RUNDC3B: variants seen among roughly 807,000 people sequenced by gnomAD.
The protein encoded by RUNDC3B is RUN domain containing 3B, also known as RUN domain-containing protein 3B.
In RUNDC3B, 33 loss-of-function variants were observed where a neutral mutation model predicts 58.4. The observed-to-expected ratio is 0.56, with a 90% CI of 0.43 to 0.75. The LOEUF (loss-of-function observed/expected upper bound fraction) is 0.75, where lower values mean the gene tolerates loss of function less well. Ranked by LOEUF, RUNDC3B falls within the 30% of genes least tolerant of loss-of-function variation. The probability of loss-of-function intolerance (pLI) is 0.00; values close to 1 mark genes in which losing one functional copy is unlikely to be tolerated. For missense variants in RUNDC3B, 501 were observed against 535.7 expected (o/e 0.94, Z 0.64); for synonymous variants, 193 against 195.2 (o/e 0.99, Z 0.10).
chr7:87,768,210 A>G (rs540497214), intron 6 of RUNDC3B, among the ~76,000 whole-genome samples: 2 of 152,288 alleles, frequency 1.3e-5, no homozygotes, highest in South Asian at 4.1e-4. Context: ...ACAGTCACCC[A>G]TCTTGTCACA....
intron 8 of RUNDC3B, among the ~76,000 whole-genome samples, chr7:87,803,383 C>CA (rs2130927542): frequency 6.6e-6 from 1 of 152,134 alleles, no homozygotes; most frequent in East Asian, 1.9e-4. Context: ...ACATTCAGGT[C>CA]AAAAAATTGA....
At chr7:87,682,807 G>A (rs1198449797) in intron 2 of RUNDC3B, among the ~76,000 whole-genome samples, 3 of 152,192 alleles carry the variant, frequency 2.0e-5, no homozygotes, top group Non-Finnish European at 4.4e-5. Context: ...TCAACTTAAA[G>A]CCACCAGCTG....
At chr7:87,634,494 TGG>T (rs58092989) in intron 1 of RUNDC3B, among the ~76,000 whole-genome samples, 2,445 of 73,246 alleles carry the variant, frequency 0.033, 39 homozygotes, top group African/African-American at 0.069. Context: ...TGGTGGGGGG[TGG>T]GGGGGGGGGC....
At chr7:87,660,073 T>G (rs192434785) in intron 2 of RUNDC3B, among the ~76,000 whole-genome samples, 19 of 152,228 alleles carry the variant, frequency 1.2e-4, no homozygotes, top group Admixed American at 9.2e-4. Context: ...TGTTTTGTGC[T>G]TTTTTGGGTT....
intron 8 of RUNDC3B, among the ~76,000 whole-genome samples, chr7:87,792,047 G>GA (rs1489604339): frequency 1.3e-5 from 2 of 151,872 alleles, no homozygotes; most frequent in South Asian, 4.2e-4. Flanking sequence ...AATGGAAACT[G>GA]AAAAAAGATC....
intron 6 of RUNDC3B, among the ~76,000 whole-genome samples, chr7:87,754,393 G>A (rs1178537308): frequency 1.3e-5 from 2 of 152,152 alleles, no homozygotes; most frequent in Non-Finnish European, 2.9e-5. Context: ...TGAAACCAAT[G>A]AGAACAAAGA....
chr7:87,673,303 C>T (rs1273907044), intron 2 of RUNDC3B, among the ~76,000 whole-genome samples: 1 of 152,198 alleles, frequency 6.6e-6, no homozygotes, highest in Non-Finnish European at 1.5e-5. Context: ...TTGTTATCCT[C>T]AAATATGTTT....
intron 1 of RUNDC3B, chr7:87,629,294 G>C (rs1370864241): frequency 4.7e-6 from 1 of 213,300 alleles, no homozygotes; most frequent in African/African-American, 2.3e-5. Flanking sequence ...CTGTCAGCGA[G>C]CTTTGGATAA....
At chr7:87,760,068 G>GT in intron 6 of RUNDC3B, among the ~76,000 whole-genome samples, 2 of 148,428 alleles carry the variant, frequency 1.3e-5, no homozygotes, top group Non-Finnish European at 3.0e-5. Flanking sequence ...GTGATACAGG[G>GT]GTTTTTTTTT....
intron 2 of RUNDC3B, among the ~76,000 whole-genome samples, chr7:87,672,966 C>G (rs1825979849): frequency 6.6e-6 from 1 of 152,284 alleles, no homozygotes; most frequent in South Asian, 2.1e-4. Flanking sequence ...GAGAGCCATG[C>G]ACACTGGCTG....
chr7:87,754,397 A>G (rs775478885), intron 6 of RUNDC3B, among the ~76,000 whole-genome samples: 1 of 152,218 alleles, frequency 6.6e-6, no homozygotes, highest in Non-Finnish European at 1.5e-5. Flanking sequence ...ACCAATGAGA[A>G]CAAAGATACA....
intron 2 of RUNDC3B, among the ~76,000 whole-genome samples, chr7:87,671,597 G>T (rs1180700942): frequency 1.3e-5 from 2 of 152,162 alleles, no homozygotes; most frequent in Non-Finnish European, 2.9e-5. Flanking sequence ...CCTCTCTCTG[G>T]GAGCTTTGTC....
chr7:87,819,228 T>C (rs1316920599), intron 10 of RUNDC3B, among the ~76,000 whole-genome samples: 2 of 152,150 alleles, frequency 1.3e-5, no homozygotes, highest in African/African-American at 4.8e-5. Flanking sequence ...GTAATTGACA[T>C]TGTGGGCTTC....
intron 1 of RUNDC3B, among the ~76,000 whole-genome samples, chr7:87,647,426 A>G (rs193213867): frequency 3.3e-4 from 50 of 152,352 alleles, no homozygotes; most frequent in South Asian, 6.2e-4. Flanking sequence ...CAAAAGCAGT[A>G]ATATAATCTA....
chr7:87,766,279 C>T (rs1833973860), intron 6 of RUNDC3B, among the ~76,000 whole-genome samples: 1 of 152,076 alleles, frequency 6.6e-6, no homozygotes, highest in Non-Finnish European at 1.5e-5. Flanking sequence ...GGTTCTGTTC[C>T]TGTCACAGTG....
intron 7 of RUNDC3B, among the ~76,000 whole-genome samples, chr7:87,774,634 T>G (rs1163819945): frequency 6.6e-6 from 1 of 152,174 alleles, no homozygotes; most frequent in Non-Finnish European, 1.5e-5. Flanking sequence ...TAAATACTAC[T>G]TATCAAAACT....
intron 2 of RUNDC3B, among the ~76,000 whole-genome samples, chr7:87,671,232 C>G (rs528153361): frequency 2.6e-5 from 4 of 152,278 alleles, no homozygotes; most frequent in Non-Finnish European, 5.9e-5. Flanking sequence ...CTGATTACAA[C>G]TGGTTGGAGG....
chr7:87,638,317 T>G (rs949985707), intron 1 of RUNDC3B, among the ~76,000 whole-genome samples: 5 of 151,228 alleles, frequency 3.3e-5, no homozygotes, highest in African/African-American at 1.2e-4. Flanking sequence ...ATTATTTGGC[T>G]TTATAAAACA....
intron 8 of RUNDC3B, among the ~76,000 whole-genome samples, chr7:87,799,494 T>A (rs1339953387): frequency 6.6e-6 from 1 of 152,162 alleles, no homozygotes; most frequent in Non-Finnish European, 1.5e-5. Context: ...CTATAGTTAT[T>A]TTCATGAAGA....
Sources: gnomAD v4.1 joint callset for allele counts (sites outside exome capture counted in the v4.1 genomes callset) on GRCh38, gnomAD v4.1.1 for gene constraint, MANE v1.5 for transcripts, NCBI Gene and HGNC (gene_info 2026-07-23, HGNC 2026-07-21) for gene names.